The following OXNAD1 variants were observed in gnomAD, a reference collection of about 807,000 sequenced individuals.
The protein encoded by OXNAD1 is oxidoreductase NAD-binding domain-containing protein 1.
A neutral mutation model predicts 32.9 loss-of-function variants in OXNAD1; 34 were observed. That is an observed-to-expected ratio of 1.03 (90% CI 0.79 to 1.38). The LOEUF is 1.38. Ranked by LOEUF, OXNAD1 falls within the 40% of genes most tolerant of loss-of-function variation. The probability of loss-of-function intolerance (pLI) is 0.00; values close to 1 mark genes in which losing one functional copy is unlikely to be tolerated. For missense variants in OXNAD1, 407 were observed against 379.4 expected (o/e 1.07, Z -0.60); for synonymous variants, 134 against 135.2 (o/e 0.99, Z 0.06).
intron 4 of OXNAD1, among the ~76,000 whole-genome samples, chr3:16,282,858 T>C (rs1390593848): frequency 1.8e-5 from 2 of 113,106 alleles, no homozygotes; most frequent in East Asian, 6.0e-4. Flanking sequence ...GATTGAGTAG[T>C]AGAGAGCCGT....
At position 16,290,424 on chromosome 3, in the gene OXNAD1, A is replaced by G. The variant is rs1422329258; in HGVS notation, c.290+3976A>G. On this transcript the variant is annotated intron_variant, in intron 5 of 8. Transcript: ENST00000285083. The surrounding 1 kb of genome is among the most constrained non-coding windows in gnomAD (Gnocchi z 4.2). ...CCTTTTTTTCCAAAGGTAGCTTTCC[A>G]GAGTTACTAGAGAAGAGGGTTGGTT... Among the ~76,000 whole-genome samples, 2 of 152,166 alleles carry G rather than the reference A, an allele frequency of 1.3e-5. No homozygotes were observed. The highest frequency in any genetic ancestry group is 3.8e-4 in the East Asian group (2 of 5,200).
At chr3:16,270,600 A>G (rs2064854355) in intron 2 of OXNAD1, among the ~76,000 whole-genome samples, 1 of 152,258 alleles carries the variant, frequency 6.6e-6, no homozygotes, top group Admixed American at 6.5e-5. Context: ...TTCAGGTAGA[A>G]TACAATTATC....
intron 6 of OXNAD1, among the ~76,000 whole-genome samples, chr3:16,295,265 C>T (rs1387233672): frequency 6.6e-6 from 1 of 152,058 alleles, no homozygotes; most frequent in Non-Finnish European, 1.5e-5. Context: ...TAGACAAGTT[C>T]TAAAAAGTTG....
At position 16,312,193 on chromosome 3, in the gene OXNAD1, C is replaced by G. The variant is rs201090430; in HGVS notation, c.*30+8601C>G. 2.0e-5 allele frequency among the ~76,000 whole-genome samples: 3 copies of G among 152,324 alleles called. No homozygotes were observed. The East Asian group carries it at 5.8e-4, about 29-fold the overall frequency. On this transcript the variant is annotated intron_variant, in intron 9 of 9. Coordinates refer to the OXNAD1 transcript ENST00000435829. The surrounding 1 kb of genome is among the most constrained non-coding windows in gnomAD (Gnocchi z 4.7). The stretch of plus-strand genomic sequence containing the variant: ...TCTCTGGCAACAGCTGCCTCAGAAA[C>G]CTAGCCAAAGGCTCATTGGGTCTTG...
At chr3:16,330,836 T>G (rs2070238090) in intron 9 of OXNAD1, among the ~76,000 whole-genome samples, 1 of 152,190 alleles carries the variant, frequency 6.6e-6, no homozygotes, top group Non-Finnish European at 1.5e-5. Context: ...CTAAGAAATA[T>G]GTTTGTCTTT....
Position 16,280,205 on chromosome 3 carries a change from T to A in OXNAD1, c.184-6137T>A, listed in dbSNP as rs1327758941. 5.3e-5 allele frequency among the ~76,000 whole-genome samples: 8 copies of A among 152,008 alleles called. No homozygotes were observed. The highest frequency in any genetic ancestry group is 1.9e-4 in the African/African-American group (8 of 41,370). On this transcript the variant is annotated intron_variant, in intron 4 of 8. Coordinates refer to ENST00000285083, the MANE Select transcript of OXNAD1 (RefSeq NM_138381.5). The surrounding 1 kb of genome is among the most constrained non-coding windows in gnomAD (Gnocchi z 4.5). ...ATGAGGTGGGAGATCCTAGAGCTCG[T>A]GTGTTCTGATGGGGAGGGTAGAGAG...
chr3:16,305,949 G>C lies in OXNAD1; in HGVS notation c.*2387G>C, dbSNP rs1426442853. On this transcript the variant is annotated 3_prime_UTR_variant, in exon 9 of 9. Coordinates refer to ENST00000285083, the MANE Select transcript of OXNAD1 (RefSeq NM_138381.5). The surrounding 1 kb of genome is among the most constrained non-coding windows in gnomAD (Gnocchi z 4.5). ...GGATTTCAAGAGGCTGGATGCCTTA[G>C]ATGTGGTCTAACTTGAAACCTTCAT... 6.6e-6 allele frequency: 1 copy of C among 152,204 alleles called. No homozygotes were observed. The highest frequency in any genetic ancestry group is 1.5e-5 in the Non-Finnish European group (1 of 68,044). 9.4% of individuals were successfully genotyped at this position (152,204 alleles called of 1,614,324 possible).
downstream of OXNAD1, among the ~76,000 whole-genome samples, chr3:16,309,070 T>C (rs1412066427): frequency 2.0e-5 from 3 of 152,248 alleles, no homozygotes; most frequent in African/African-American, 7.2e-5. Flanking sequence ...GGGTATCCTT[T>C]TAGAAATTTT....
chr3:16,265,801 A>G lies in OXNAD1; in HGVS notation c.-159+296A>G, dbSNP rs2064448462. 4 of 921,294 alleles carry G rather than the reference A, an allele frequency of 4.3e-6. No homozygotes were observed. Among genetic ancestry groups the G allele is most frequent in the Non-Finnish European group, 5.2e-6 (4 of 771,540 alleles). The allele number at this position is 921,294 out of a possible 1,614,324, so 57.1% of individuals were successfully genotyped here. ...AGTTGGGCATCTTGACTAAAATCATACACCTGGGAAATAATGAAGAGCTTG... is the reference window on the plus strand; with the variant it reads ...AGTTGGGCATCTTGACTAAAATCATGCACCTGGGAAATAATGAAGAGCTTG... On this transcript the variant is annotated intron_variant, in intron 1 of 8. Transcript: ENST00000285083. This position sits in a 1 kb window ranked among gnomAD's most constrained non-coding sequence, Gnocchi z 4.8.
At chr3:16,315,854 A>C (rs1300838871) in intron 9 of OXNAD1, 1 of 152,266 alleles carries the variant, frequency 6.6e-6, no homozygotes, top group Non-Finnish European at 1.5e-5. Context: ...CTCACGGTGC[A>C]CTAACTCATA....
At chr3:16,269,074 G>A (rs778505716) in intron 1 of OXNAD1, 52 bp from the exon 2 acceptor site, 7 of 1,389,358 alleles carry the variant, frequency 5.0e-6, no homozygotes, top group South Asian at 3.4e-5. Context: ...AGGTAATAGT[G>A]CTTTTGATCA....
At position 16,336,209 on chromosome 3, in the gene OXNAD1, A is replaced by G. The variant is rs911195760; in HGVS notation, c.*31-903A>G. Among the ~76,000 whole-genome samples the G allele has an allele frequency of 3.9e-5, 6 of 152,248 alleles. No homozygotes were observed. The highest frequency in any genetic ancestry group is 7.2e-5 in the African/African-American group (3 of 41,454). ...AACTCCACGTGGCCCTCAGGATGCT[A>G]AAGGGCAGGGCTATGCCTGGTATCA... On this transcript the variant is annotated intron_variant, in intron 9 of 9. Transcript: ENST00000435829. The surrounding 1 kb of genome is among the most constrained non-coding windows in gnomAD (Gnocchi z 6.0).
At position 16,316,940 on chromosome 3, in the gene OXNAD1, C is replaced by T; in HGVS notation, c.*30+13348C>T. On this transcript the variant is annotated intron_variant, in intron 9 of 9. Coordinates refer to the OXNAD1 transcript ENST00000435829. This position sits in a 1 kb window ranked among gnomAD's most constrained non-coding sequence, Gnocchi z 4.5. Reference sequence around the variant, plus strand: ...AATCCCCACCAGGGCCCTGCTGTGGCTGGCAGGACCATTCTGCACAGCCTC... The same window carrying T: ...AATCCCCACCAGGGCCCTGCTGTGGTTGGCAGGACCATTCTGCACAGCCTC... 3 of 1,614,106 alleles carry T rather than the reference C, an allele frequency of 1.9e-6. No homozygotes were observed. The highest frequency in any genetic ancestry group is 2.2e-5 in the East Asian group (1 of 44,848).
chr3:16,310,991 CAAAAA>C (rs1003070321), downstream of OXNAD1, among the ~76,000 whole-genome samples: 41 of 57,558 alleles, frequency 7.1e-4, no homozygotes, highest in African/African-American at 3.1e-3. Flanking sequence ...ACTCAGTCTC[CAAAAA>C]AAAAAAAAAA....
At chr3:16,296,467 A>G (rs2066803031) in intron 6 of OXNAD1, among the ~76,000 whole-genome samples, 1 of 152,244 alleles carries the variant, frequency 6.6e-6, no homozygotes, top group African/African-American at 2.4e-5. Context: ...AGATATGGAC[A>G]AAGTGATTTT....
In OXNAD1 at chr3:16,344,534, A is replaced by G. The variant is rs1031846373; in HGVS notation, c.*31-4642A>G. Among the ~76,000 whole-genome samples the G allele has an allele frequency of 4.6e-5, 7 of 152,052 alleles. No homozygotes were observed. Among genetic ancestry groups the G allele is most frequent in the Non-Finnish European group, 1.0e-4 (7 of 68,008 alleles). On this transcript the variant is annotated intron_variant, in intron 9 of 9. Transcript: ENST00000606098. The surrounding 1 kb of genome is among the most constrained non-coding windows in gnomAD (Gnocchi z 4.4). The stretch of plus-strand genomic sequence containing the variant: ...ACTAGAATGCTTTATGTGGAGCCCA[A>G]GAGCATCCATGTTCTTATTCTTAGA...
At position 16,299,468 on chromosome 3, in the gene OXNAD1, AT is replaced by A. The variant is rs1325868463; in HGVS notation, c.433-2157del. Among the ~76,000 whole-genome samples the A allele has an allele frequency of 2.0e-5, 3 of 152,218 alleles. No individual in the cohort carries two copies. The highest frequency in any genetic ancestry group is 7.2e-5 in the African/African-American group (3 of 41,466). ...CACCATTCATGTAAAAATCTCCCAC[AT>A]ATTTAAAATAGTGAGGTTCAGACAT... On this transcript the variant is annotated intron_variant, in intron 6 of 8. Coordinates refer to ENST00000285083, the MANE Select transcript of OXNAD1 (RefSeq NM_138381.5). This position sits in a 1 kb window ranked among gnomAD's most constrained non-coding sequence, Gnocchi z 4.4.
rs1408716743 is a variant in OXNAD1 at position 16,344,169 on chromosome 3, T to A, written c.*31-5007T>A. On this transcript the variant is annotated intron_variant, in intron 9 of 9. Coordinates refer to the OXNAD1 transcript ENST00000606098. The surrounding 1 kb of genome is among the most constrained non-coding windows in gnomAD (Gnocchi z 4.4). ...TTCTATATTATTGACTTTTTGGAGC[T>A]TAAATACAATTTGTTGATACTTAAA... Among the ~76,000 whole-genome samples, 1 of 152,206 alleles carries A rather than the reference T, an allele frequency of 6.6e-6. No individual in the cohort carries two copies. Among genetic ancestry groups the A allele is most frequent in the African/African-American group, 2.4e-5 (1 of 41,454 alleles).
Position 16,317,256 on chromosome 3 carries a change from T to C in OXNAD1, c.*30+13664T>C. ...AACTAGAAATCAGAAAGGATGGGGA[T>C]AAATAACAAGCCTCCGGGAACCCAG... On this transcript the variant is annotated intron_variant, in intron 9 of 9. Transcript: ENST00000435829. This position sits in a 1 kb window ranked among gnomAD's most constrained non-coding sequence, Gnocchi z 4.3. 1.2e-6 allele frequency: 2 copies of C among 1,607,614 alleles called. No homozygotes were observed. Among genetic ancestry groups the C allele is most frequent in the Non-Finnish European group, 1.7e-6 (2 of 1,179,542 alleles).
Sources: gnomAD v4.1 joint callset for allele counts (sites outside exome capture counted in the v4.1 genomes callset) on GRCh38, gnomAD v4.1.1 for gene constraint, Gnocchi (gnomAD v3.1) non-coding constraint, MANE v1.5 for transcripts, NCBI Gene and HGNC (gene_info 2026-07-23, HGNC 2026-07-21) for gene names.